Variants in SNX29 observed in about 807,000 individuals in gnomAD.
The protein encoded by SNX29 is sorting nexin 29.
Under a neutral mutation model 102.1 loss-of-function variants are expected in SNX29, and 78 were observed. The observed-to-expected ratio is 0.76, with a 90% CI of 0.64 to 0.92. SNX29 has a LOEUF of 0.92. Ranked by LOEUF, SNX29 falls within the 40% of genes least tolerant of loss-of-function variation. The pLI, the probability that SNX29 is intolerant of heterozygous loss-of-function variation, is 0.00. For missense variants in SNX29, 1,280 were observed against 1,061.7 expected, an observed-to-expected ratio of 1.21 and a Z score of -2.86; for synonymous variants, 580 against 414.5, an observed-to-expected ratio of 1.40 and a Z score of -4.85.
chr16:12,522,963 A>G (rs2090155906), intron 19 of SNX29, among the ~76,000 whole-genome samples: 1 of 152,016 alleles, frequency 6.6e-6, no homozygotes, highest in African/African-American at 2.4e-5. Context: ...GGTGCACACC[A>G]CCGTGCCCGG....
chr16:12,403,454 C>G lies in SNX29; in HGVS notation c.1962C>G (p.Asn654Lys). ...DQSLSDFEIS[N>K]RALINVWIPS... is the part of the protein sequence containing the mutation. ...CTCTCTTCCTTTTGGTTAGATCAAA[C>G]CGGGCGCTGATCAACGTCTGGATCC... The change falls in exon 18 of 21, where the codon AAC becomes AAG. Residue 654 changes from asparagine to lysine, a missense_variant. Asn to Lys is a moderately conservative substitution (Grantham distance 94). Transcript: ENST00000566228. 3 of 1,606,668 alleles carry G rather than the reference C, an allele frequency of 1.9e-6. No individual in the cohort carries two copies. Among genetic ancestry groups the G allele is most frequent in the Non-Finnish European group, 2.6e-6 (3 of 1,176,386 alleles).
intron 19 of SNX29, among the ~76,000 whole-genome samples, chr16:12,517,446 A>G (rs1049839355): frequency 6.6e-6 from 1 of 152,198 alleles, no homozygotes; most frequent in Non-Finnish European, 1.5e-5. Context: ...CTTTGGAATC[A>G]GGGAGCTGGC....
At chr16:12,412,356 C>T (rs1172947836) in intron 18 of SNX29, among the ~76,000 whole-genome samples, 1 of 152,198 alleles carries the variant, frequency 6.6e-6, no homozygotes, top group African/African-American at 2.4e-5. Context: ...ACCACCAAGG[C>T]GTGTGCTTCA....
intron 2 of SNX29, among the ~76,000 whole-genome samples, chr16:12,002,752 G>A (rs370133398): frequency 6.6e-6 from 1 of 152,206 alleles, no homozygotes; most frequent in Admixed American, 6.5e-5. Context: ...TTTCCCACAA[G>A]GCTTGCTTCT....
chr16:12,429,869 G>C (rs994215978), intron 18 of SNX29, among the ~76,000 whole-genome samples: 1 of 152,212 alleles, frequency 6.6e-6, no homozygotes, highest in Non-Finnish European at 1.5e-5. Flanking sequence ...GTAGTAGATG[G>C]ATACAGATTG....
intron 19 of SNX29, among the ~76,000 whole-genome samples, chr16:12,491,878 C>T (rs1224623667): frequency 1.3e-5 from 2 of 152,234 alleles, no homozygotes; most frequent in Non-Finnish European, 2.9e-5. Flanking sequence ...TTTATGGCTG[C>T]ATAGTATTCC....
intron 1 of SNX29, among the ~76,000 whole-genome samples, chr16:11,979,187 A>C (rs1403197187): frequency 7.2e-6 from 1 of 139,700 alleles, no homozygotes; most frequent in Non-Finnish European, 1.5e-5. Flanking sequence ...AGGGATGAGA[A>C]TCTCTTGAAC....
chr16:12,253,794 G>C (rs1187156716), intron 14 of SNX29, among the ~76,000 whole-genome samples: 1 of 152,204 alleles, frequency 6.6e-6, no homozygotes, highest in Non-Finnish European at 1.5e-5. Flanking sequence ...TGGCCTCTGA[G>C]TTAGGGTTTT....
intron 4 of SNX29, among the ~76,000 whole-genome samples, chr16:12,033,453 T>A (rs1432255803): frequency 6.6e-6 from 1 of 152,072 alleles, no homozygotes; most frequent in East Asian, 1.9e-4. Flanking sequence ...AAATGGTGTC[T>A]CATGTGGTTT....
intron 16 of SNX29, among the ~76,000 whole-genome samples, chr16:12,362,492 A>G (rs188209460): frequency 1.3e-4 from 19 of 150,064 alleles, no homozygotes; most frequent in African/African-American, 3.7e-4. Flanking sequence ...CATCCAAATT[A>G]AGTATTTTCC....
chr16:12,187,590 C>T (rs548939572), intron 13 of SNX29, among the ~76,000 whole-genome samples: 14 of 151,472 alleles, frequency 9.2e-5, no homozygotes, highest in Admixed American at 2.0e-4. Context: ...GTTGTGTTCT[C>T]TCCATCTGCT....
At chr16:11,978,166 G>T (rs973635766) in intron 1 of SNX29, among the ~76,000 whole-genome samples, 5 of 152,128 alleles carry the variant, frequency 3.3e-5, no homozygotes, top group African/African-American at 1.2e-4. Flanking sequence ...GAGGGGGCTG[G>T]TGAGGGGGAG....
In SNX29 at chr16:12,096,649, A is replaced by G. The variant is rs951003997; in HGVS notation, c.1402+17734A>G. Among the ~76,000 whole-genome samples the G allele has an allele frequency of 1.1e-4, 16 of 152,102 alleles. No homozygotes were observed. The highest frequency in any genetic ancestry group is 1.6e-4 in the Non-Finnish European group (11 of 68,026). Reference sequence around the variant, plus strand: ...ATTGGATGGGGCAAAACGGGAGGCAATGGGGTCATGTGGGAGTGATGTACT... The same window carrying G: ...ATTGGATGGGGCAAAACGGGAGGCAGTGGGGTCATGTGGGAGTGATGTACT... On this transcript the variant is annotated intron_variant, in intron 11 of 20. Coordinates refer to ENST00000566228, the MANE Select transcript of SNX29 (RefSeq NM_032167.5). This position sits in a 1 kb window ranked among gnomAD's most constrained non-coding sequence, Gnocchi z 4.2.
intron 14 of SNX29, among the ~76,000 whole-genome samples, chr16:12,260,584 C>T (rs1278851835): frequency 6.6e-6 from 1 of 152,070 alleles, no homozygotes; most frequent in African/African-American, 2.4e-5. Context: ...CATCCATGTC[C>T]TCCTGGTCTC....
At chr16:12,251,247 C>T (rs947344678) in intron 14 of SNX29, among the ~76,000 whole-genome samples, 1 of 152,226 alleles carries the variant, frequency 6.6e-6, no homozygotes. Flanking sequence ...AAGAGCTTTT[C>T]TCAGCTTTAA....
chr16:12,540,273 G>A (rs1374325557), intron 20 of SNX29, among the ~76,000 whole-genome samples: 1 of 152,300 alleles, frequency 6.6e-6, no homozygotes, highest in East Asian at 1.9e-4. Flanking sequence ...CAAGTGGAGG[G>A]AGGACAGGAC....
intron 15 of SNX29, among the ~76,000 whole-genome samples, chr16:12,310,689 T>C (rs1360319412): frequency 6.6e-6 from 1 of 152,136 alleles, no homozygotes; most frequent in Non-Finnish European, 1.5e-5. Context: ...GGTGGACATG[T>C]TCTGTGTCTT....
At chr16:12,274,537 C>T (rs1364955684) in intron 14 of SNX29, among the ~76,000 whole-genome samples, 1 of 151,254 alleles carries the variant, frequency 6.6e-6, no homozygotes, top group East Asian at 1.9e-4. Flanking sequence ...ATTCTCCCCA[C>T]CTCTTTTTTT....
At chr16:12,148,175 G>C (rs1567250411) in intron 13 of SNX29, among the ~76,000 whole-genome samples, 1 of 152,246 alleles carries the variant, frequency 6.6e-6, no homozygotes, top group Non-Finnish European at 1.5e-5. Flanking sequence ...AGCTCTCTGA[G>C]ACCCGAGAGA....
Sources: gnomAD v4.1 joint callset for allele counts (sites outside exome capture counted in the v4.1 genomes callset) on GRCh38, gnomAD v4.1.1 for gene constraint, Gnocchi (gnomAD v3.1) non-coding constraint, MANE v1.5 for transcripts, NCBI Gene and HGNC (gene_info 2026-07-23, HGNC 2026-07-21) for gene names.